ADAM10: variants seen among roughly 807,000 people sequenced by gnomAD.
ADAM10 encodes ADAM metallopeptidase domain 10.
In ADAM10, 17 loss-of-function variants were observed where a neutral mutation model predicts 90.1. The ratio of observed to expected loss-of-function variants is 0.19; its 90% CI spans 0.13 to 0.28. ADAM10 has a LOEUF of 0.28. ADAM10 is among the 10% of genes least tolerant of loss of function. The pLI, the probability that ADAM10 is intolerant of heterozygous loss-of-function variation, is 1.00. For missense variants in ADAM10, 610 were observed against 914.3 expected (o/e 0.67, Z 4.29); for synonymous variants, 310 against 298.6 (o/e 1.04, Z -0.40).
chr15:58,723,375 G>T (rs1020320586), intron 1 of ADAM10, among the ~76,000 whole-genome samples: 2 of 152,032 alleles, frequency 1.3e-5, no homozygotes, highest in Admixed American at 6.6e-5. Flanking sequence ...GGTCTCAGAG[G>T]CAGAAAGAAA....
At chr15:58,655,652 G>GCATACATA (rs71116584) in intron 5 of ADAM10, among the ~76,000 whole-genome samples, 1 of 91,130 alleles carries the variant, frequency 1.1e-5, no homozygotes, top group Non-Finnish European at 2.0e-5. Flanking sequence ...TGATCCCTTT[G>GCATACATA]CATACATACA....
intron 2 of ADAM10, among the ~76,000 whole-genome samples, chr15:58,686,981 G>C (rs1483196006): frequency 6.6e-6 from 1 of 152,100 alleles, no homozygotes; most frequent in African/African-American, 2.4e-5. Flanking sequence ...TTACATTTTA[G>C]GAAGGAAAAT....
intron 1 of ADAM10, among the ~76,000 whole-genome samples, chr15:58,737,009 A>G (rs1899452920): frequency 6.6e-6 from 1 of 152,130 alleles, no homozygotes; most frequent in South Asian, 2.1e-4. Flanking sequence ...AGAGTGGCAG[A>G]AAAATGACCA....
chr15:58,618,171 C>A (rs1357458579), intron 11 of ADAM10, among the ~76,000 whole-genome samples: 1 of 152,102 alleles, frequency 6.6e-6, no homozygotes, highest in African/African-American at 2.4e-5. Flanking sequence ...GACATAAAAA[C>A]AGACACATTA....
At chr15:58,645,936 C>T (rs1250696941) in intron 6 of ADAM10, 119 bp downstream of exon 6, 1 of 1,086,468 alleles carries the variant, frequency 9.2e-7, no homozygotes, top group Non-Finnish European at 1.4e-6. Context: ...TATCACATCA[C>T]AACTGAAAAC....
chr15:58,692,152 T>G (rs1301598008), intron 2 of ADAM10: 1 of 527,832 alleles, frequency 1.9e-6, no homozygotes, highest in Non-Finnish European at 3.8e-6. Flanking sequence ...GGACACAGAG[T>G]TGTTCATTTT....
chr15:58,608,336 A>G lies in ADAM10; in HGVS notation c.2025+1961T>C, dbSNP rs139607642. On this transcript the variant is annotated intron_variant, in intron 14 of 15. Coordinates refer to ENST00000260408, the MANE Select transcript of ADAM10 (RefSeq NM_001110.4). ...GCTTCTTACACAAGAGCATCCTGAT[A>G]ATCTGTATTACTAACTGGAAGGGCA... 6.9e-3 allele frequency among the ~76,000 whole-genome samples: 1,049 copies of G among 152,292 alleles called. 14 individuals carry two copies. Among genetic ancestry groups the G allele is most frequent in the African/African-American group, 0.024 (1,003 of 41,556 alleles).
At chr15:58,671,923 G>T (rs1165678594) in intron 4 of ADAM10, among the ~76,000 whole-genome samples, 3 of 151,816 alleles carry the variant, frequency 2.0e-5, no homozygotes, top group Non-Finnish European at 2.9e-5. Context: ...CACTGGAGTG[G>T]CAGCCAAAAG....
intron 5 of ADAM10, among the ~76,000 whole-genome samples, chr15:58,661,480 C>T (rs1007948206): frequency 2.6e-5 from 4 of 152,094 alleles, no homozygotes; most frequent in African/African-American, 9.7e-5. Flanking sequence ...CTATGTCTTC[C>T]AGTTTGTACT....
chr15:58,712,676 A>T (rs1898514010), intron 2 of ADAM10, among the ~76,000 whole-genome samples: 1 of 151,188 alleles, frequency 6.6e-6, no homozygotes. Flanking sequence ...AAAAAAAAAA[A>T]TTAGCCGGGA....
At chr15:58,656,704 T>C (rs1896836836) in intron 5 of ADAM10, among the ~76,000 whole-genome samples, 1 of 152,240 alleles carries the variant, frequency 6.6e-6, no homozygotes. Flanking sequence ...GTTCATCATT[T>C]AGTCTTTCTA....
At chr15:58,737,855 G>A (rs1249821500) in intron 1 of ADAM10, among the ~76,000 whole-genome samples, 3 of 152,084 alleles carry the variant, frequency 2.0e-5, no homozygotes, top group Non-Finnish European at 4.4e-5. Context: ...AACATCAGGA[G>A]AAAAAACAAA....
chr15:58,628,028 T>C, intron 9 of ADAM10, 145 bp from the exon 10 acceptor site: 2 of 823,252 alleles, frequency 2.4e-6, no homozygotes, highest in South Asian at 1.7e-5. Context: ...TTTTACACCT[T>C]GAGTAGGAAA....
At chr15:58,674,913 G>T (rs1897276911) in intron 4 of ADAM10, among the ~76,000 whole-genome samples, 1 of 152,230 alleles carries the variant, frequency 6.6e-6, no homozygotes, top group East Asian at 1.9e-4. Context: ...ATTCAGGCCG[G>T]GCACAGTGGC....
At chr15:58,679,076 A>G in intron 4 of ADAM10, 48 bp downstream of exon 4, 2 of 1,549,032 alleles carry the variant, frequency 1.3e-6, no homozygotes, top group Non-Finnish European at 8.9e-7. Flanking sequence ...AGTTTTAACT[A>G]TCATATGCCT....
intron 2 of ADAM10, among the ~76,000 whole-genome samples, chr15:58,683,752 G>A (rs1005714477): frequency 5.3e-5 from 8 of 150,618 alleles, no homozygotes; most frequent in African/African-American, 9.8e-5. Flanking sequence ...CCCAGCTACT[G>A]GGGAGGCTGA....
chr15:58,667,738 G>A (rs1897110008), intron 4 of ADAM10, among the ~76,000 whole-genome samples: 1 of 151,906 alleles, frequency 6.6e-6, no homozygotes, highest in Non-Finnish European at 1.5e-5. Flanking sequence ...TTCACTGATG[G>A]AGAGTAGAAG....
intron 4 of ADAM10, among the ~76,000 whole-genome samples, chr15:58,674,726 CATGA>C (rs1897273550): frequency 6.6e-6 from 1 of 152,160 alleles, no homozygotes; most frequent in Non-Finnish European, 1.5e-5. Context: ...GAAGCTTCTA[CATGA>C]ATGAAGAGGC....
intron 7 of ADAM10, among the ~76,000 whole-genome samples, chr15:58,642,144 G>A (rs555385556): frequency 1.3e-5 from 2 of 152,264 alleles, no homozygotes; most frequent in East Asian, 3.9e-4. Context: ...AAATTTCCTA[G>A]TAATTCTCTA....
Sources: gnomAD v4.1 joint callset for allele counts (sites outside exome capture counted in the v4.1 genomes callset) on GRCh38, gnomAD v4.1.1 for gene constraint, MANE v1.5 for transcripts, NCBI Gene and HGNC (gene_info 2026-07-23, HGNC 2026-07-21) for gene names.